Variants in PTCHD4 observed in about 807,000 individuals in gnomAD.
PTCHD4 encodes the protein patched domain-containing protein 4.
PTCHD4 carries 33 observed loss-of-function variants against 58.1 expected under a neutral mutation model. The observed-to-expected ratio is 0.57, with a 90% confidence interval of 0.43 to 0.76. The LOEUF is 0.76. PTCHD4 is among the 30% of genes least tolerant of loss of function. The pLI, the probability that PTCHD4 is intolerant of heterozygous loss-of-function variation, is 0.00. For missense variants in PTCHD4, 1,058 were observed against 1,027.1 expected, an observed-to-expected ratio of 1.03 and a Z score of -0.41; for synonymous variants, 478 against 409.6, an observed-to-expected ratio of 1.17 and a Z score of -2.02.
chr6:47,945,483 T>G (rs972926536), intron 4 of PTCHD4, among the ~76,000 whole-genome samples: 32 of 152,100 alleles, frequency 2.1e-4, no homozygotes, highest in African/African-American at 7.0e-4. Context: ...AATCATTTTG[T>G]TTTTATAATG....
At chr6:47,940,445 G>A (rs1766171878) in intron 4 of PTCHD4, among the ~76,000 whole-genome samples, 1 of 152,078 alleles carries the variant, frequency 6.6e-6, no homozygotes, top group Admixed American at 6.6e-5. Flanking sequence ...AGAGAGGGAA[G>A]CAATTTAACC....
chr6:47,936,734 C>G (rs1766012271), intron 4 of PTCHD4, among the ~76,000 whole-genome samples: 1 of 152,146 alleles, frequency 6.6e-6, no homozygotes, highest in Admixed American at 6.5e-5. Flanking sequence ...AACCAAAGAT[C>G]CCTGCCCTTT....
intron 4 of PTCHD4, among the ~76,000 whole-genome samples, chr6:47,898,303 T>C (rs1029746627): frequency 2.0e-5 from 3 of 152,204 alleles, no homozygotes; most frequent in Admixed American, 6.5e-5. Flanking sequence ...TAAACTATCA[T>C]AATCCTGTCT....
At chr6:48,017,198 T>C (rs1260674903) in intron 3 of PTCHD4, among the ~76,000 whole-genome samples, 1 of 152,146 alleles carries the variant, frequency 6.6e-6, no homozygotes, top group Non-Finnish European at 1.5e-5. Flanking sequence ...TAAACTAGGA[T>C]TAAATGAAAA....
chr6:47,948,262 GTGGGCTTTCCAATCA>G (rs1329495469), intron 4 of PTCHD4, among the ~76,000 whole-genome samples: 1 of 152,202 alleles, frequency 6.6e-6, no homozygotes, highest in Non-Finnish European at 1.5e-5. Flanking sequence ...TCCTTGCCCT[GTGGGCTTTCCAATCA>G]TGGATCTTTC....
At chr6:47,994,201 G>C (rs1435445178) in intron 4 of PTCHD4, among the ~76,000 whole-genome samples, 1 of 152,154 alleles carries the variant, frequency 6.6e-6, no homozygotes, top group East Asian at 1.9e-4. Flanking sequence ...CTGCTGTCCA[G>C]AGCAAAGATG....
At chr6:47,928,872 C>T (rs897570178) in intron 4 of PTCHD4, among the ~76,000 whole-genome samples, 4 of 152,038 alleles carry the variant, frequency 2.6e-5, no homozygotes, top group Non-Finnish European at 4.4e-5. Flanking sequence ...ATGCAATGTA[C>T]TAATGTATAA....
chr6:47,994,548 C>T (rs1159676910), intron 4 of PTCHD4, among the ~76,000 whole-genome samples: 1 of 151,936 alleles, frequency 6.6e-6, no homozygotes, highest in Admixed American at 6.6e-5. Context: ...ATTTGGAGGT[C>T]AGTAAAAAAT....
intron 4 of PTCHD4, among the ~76,000 whole-genome samples, chr6:48,004,373 G>T (rs570903618): frequency 6.6e-6 from 1 of 152,194 alleles, no homozygotes; most frequent in African/African-American, 2.4e-5. Flanking sequence ...GTGATCCGAG[G>T]CTACTACTGT....
Position 47,903,246 on chromosome 6 carries a change from C to T in PTCHD4, c.899-23310G>A, listed in dbSNP as rs1455487930. Reference sequence around the variant, plus strand: ...AAAAAACTACTTGTGATAGTATCTTCGTTCAGGTACAGAGGTGTCTATAGG... The same window carrying T: ...AAAAAACTACTTGTGATAGTATCTTTGTTCAGGTACAGAGGTGTCTATAGG... On this transcript the variant is annotated intron_variant, in intron 4 of 4. Transcript: ENST00000339488. 3.9e-5 allele frequency among the ~76,000 whole-genome samples: 6 copies of T among 152,170 alleles called. No homozygotes were observed. In the East Asian group the frequency reaches 9.7e-4, roughly 24 times the overall value.
intron 3 of PTCHD4, among the ~76,000 whole-genome samples, chr6:48,022,555 T>C (rs1763105287): frequency 6.6e-6 from 1 of 152,102 alleles, no homozygotes; most frequent in Admixed American, 6.6e-5. Context: ...GTAAGTATGC[T>C]CTTATCTTCC....
chr6:47,970,331 A>G (rs925787793), intron 4 of PTCHD4, among the ~76,000 whole-genome samples: 2 of 152,206 alleles, frequency 1.3e-5, no homozygotes, highest in African/African-American at 4.8e-5. Context: ...AAGTGAGGAA[A>G]TAGAAAGCAG....
intron 4 of PTCHD4, among the ~76,000 whole-genome samples, chr6:47,943,117 C>A (rs1228209966): frequency 6.6e-6 from 1 of 152,060 alleles, no homozygotes; most frequent in Admixed American, 6.6e-5. Context: ...ATTTCCTAAT[C>A]CCATTCATTT....
At chr6:47,981,686 T>C (rs1239817748) in intron 4 of PTCHD4, among the ~76,000 whole-genome samples, 1 of 152,198 alleles carries the variant, frequency 6.6e-6, no homozygotes, top group Non-Finnish European at 1.5e-5. Context: ...CAGGAGCTGG[T>C]TGCAGAAGTG....
At chr6:47,937,962 G>A (rs1359853956) in intron 4 of PTCHD4, among the ~76,000 whole-genome samples, 1 of 152,122 alleles carries the variant, frequency 6.6e-6, no homozygotes, top group Admixed American at 6.5e-5. Context: ...AGAACAGCCT[G>A]ACCTATGTGG....
At chr6:47,971,180 C>G (rs187970799) in intron 4 of PTCHD4, among the ~76,000 whole-genome samples, 3 of 152,094 alleles carry the variant, frequency 2.0e-5, no homozygotes, top group Admixed American at 2.0e-4. Context: ...AAAAGCATGA[C>G]ATTGAAAAGA....
intron 1 of PTCHD4, among the ~76,000 whole-genome samples, chr6:48,073,748 G>A (rs552309270): frequency 1.3e-5 from 2 of 152,234 alleles, no homozygotes; most frequent in East Asian, 1.9e-4. Context: ...GAAAAGAGCC[G>A]GAAGAAGCAC....
chr6:48,056,241 G>C (rs1764400462), intron 3 of PTCHD4, among the ~76,000 whole-genome samples: 1 of 152,134 alleles, frequency 6.6e-6, no homozygotes, highest in Non-Finnish European at 1.5e-5. Context: ...ACTTTCAAAA[G>C]CTTCATAATT....
chr6:47,897,575 C>T (rs922851251), intron 4 of PTCHD4, among the ~76,000 whole-genome samples: 2 of 152,182 alleles, frequency 1.3e-5, no homozygotes, highest in African/African-American at 4.8e-5. Flanking sequence ...ACCTAATTCT[C>T]CCTTCAGGTG....
Sources: gnomAD v4.1 joint callset for allele counts (sites outside exome capture counted in the v4.1 genomes callset) on GRCh38, gnomAD v4.1.1 for gene constraint, MANE v1.5 for transcripts, NCBI Gene and HGNC (gene_info 2026-07-23, HGNC 2026-07-21) for gene names.